The following SLC30A8 variants were observed in gnomAD, a reference collection of about 807,000 sequenced individuals.
SLC30A8 encodes the protein solute carrier family 30 member 8, also known as proton-coupled zinc antiporter SLC30A8.
A neutral mutation model predicts 36.9 loss-of-function variants in SLC30A8; 27 were observed. The ratio of observed to expected loss-of-function variants is 0.73; its 90% confidence interval spans 0.54 to 1.01. The LOEUF (loss-of-function observed/expected upper bound fraction) is 1.01. Ranked by LOEUF, SLC30A8 falls within the 50% of genes least tolerant of loss-of-function variation. The probability of loss-of-function intolerance (pLI) is 0.00; values close to 1 mark genes in which losing one functional copy is unlikely to be tolerated. For missense variants in SLC30A8, 439 were observed against 452.0 expected (o/e 0.97, Z 0.26); for synonymous variants, 164 against 172.4 (o/e 0.95, Z 0.38).
intron 2 of SLC30A8, among the ~76,000 whole-genome samples, chr8:117,126,002 C>T (rs188889294): frequency 1.5e-3 from 224 of 152,034 alleles, no homozygotes; most frequent in Non-Finnish European, 2.3e-3. Flanking sequence ...TCAGCTTCAA[C>T]GATCTTCTCC....
chr8:117,155,510 G>C (rs894860341), intron 3 of SLC30A8, among the ~76,000 whole-genome samples: 1 of 152,110 alleles, frequency 6.6e-6, no homozygotes, highest in African/African-American at 2.4e-5. Context: ...TTTGCTATAT[G>C]TTATATTAGG....
At chr8:117,139,795 T>C (rs1821560142) in intron 1 of SLC30A8, among the ~76,000 whole-genome samples, 1 of 147,896 alleles carries the variant, frequency 6.8e-6, no homozygotes, top group Non-Finnish European at 1.5e-5. Context: ...ATCTACCCAA[T>C]GATGCACCTT....
At chr8:116,974,785 C>T (rs990572393) in intron 1 of SLC30A8, among the ~76,000 whole-genome samples, 6 of 152,044 alleles carry the variant, frequency 3.9e-5, no homozygotes, top group African/African-American at 1.5e-4. Flanking sequence ...GTAGAACCAA[C>T]CCAAATGTCC....
Position 117,087,895 on chromosome 8 carries a change from A to T in SLC30A8, c.-225-47385A>T, listed in dbSNP as rs115442285. Among the ~76,000 whole-genome samples the T allele has an allele frequency of 2.8e-3, 433 of 152,264 alleles. 1 individual carries two copies. The highest frequency in any genetic ancestry group is 9.6e-3 in the African/African-American group (399 of 41,560). On this transcript the variant is annotated intron_variant, in intron 2 of 10. Coordinates refer to the SLC30A8 transcript ENST00000427715. ...TTCTGTCTTCTACTTCTTCCTGTGTAGCTATCTTACCCTGAAGGGGAGATG... is the reference window on the plus strand; with the variant it reads ...TTCTGTCTTCTACTTCTTCCTGTGTTGCTATCTTACCCTGAAGGGGAGATG...
At chr8:117,094,753 G>A (rs1055861128) in intron 2 of SLC30A8, among the ~76,000 whole-genome samples, 5 of 152,196 alleles carry the variant, frequency 3.3e-5, no homozygotes, top group Admixed American at 3.3e-4. Context: ...CCACCCAGGA[G>A]CCTGTCTGCC....
intron 2 of SLC30A8, among the ~76,000 whole-genome samples, chr8:117,069,534 T>C (rs1196749833): frequency 2.0e-5 from 3 of 152,196 alleles, no homozygotes; most frequent in African/African-American, 7.2e-5. Context: ...AGTGACTACT[T>C]CCAACATTTG....
rs1403628153 is a variant in SLC30A8 at position 117,176,622 on chromosome 8, C to CTT, written c.*3942_*3943dup. 6.6e-6 allele frequency: 1 copy of CTT among 152,486 alleles called. No homozygotes were observed. The highest frequency in any genetic ancestry group is 1.5e-5 in the Non-Finnish European group (1 of 67,984). The allele number at this position is 152,486 out of a possible 1,614,324, so 9.4% of individuals were successfully genotyped here. On this transcript the variant is annotated 3_prime_UTR_variant, in exon 8 of 8. Coordinates refer to ENST00000456015, the MANE Select transcript of SLC30A8 (RefSeq NM_173851.3). ...AGTTTTTTAACTTTCTGATTTCACACTTAACGTCTGTCATTCTGTTACTGG... is the reference window on the plus strand; with the variant it reads ...AGTTTTTTAACTTTCTGATTTCACACTTTTAACGTCTGTCATTCTGTTACTGG...
At chr8:117,109,140 G>A (rs1563602611) in intron 2 of SLC30A8, among the ~76,000 whole-genome samples, 1 of 152,168 alleles carries the variant, frequency 6.6e-6, no homozygotes, top group African/African-American at 2.4e-5. Flanking sequence ...ACCAATCACA[G>A]TGGCCAGAGG....
intron 2 of SLC30A8, among the ~76,000 whole-genome samples, chr8:117,150,256 A>G (rs1822114930): frequency 6.6e-6 from 1 of 152,164 alleles, no homozygotes; most frequent in African/African-American, 2.4e-5. Flanking sequence ...ATAGCACACA[A>G]CTGTAGCCCA....
At chr8:117,071,207 T>C (rs1295887273) in intron 2 of SLC30A8, among the ~76,000 whole-genome samples, 3 of 150,394 alleles carry the variant, frequency 2.0e-5, no homozygotes, top group Non-Finnish European at 4.5e-5. Flanking sequence ...CTTCAACACT[T>C]ATTGTCCATT....
rs1823606982 is a variant in SLC30A8 at position 117,175,095 on chromosome 8, A to G, written c.*2414A>G. On this transcript the variant is annotated 3_prime_UTR_variant, in exon 8 of 8. Coordinates refer to ENST00000456015, the MANE Select transcript of SLC30A8 (RefSeq NM_173851.3). ...TTGTATTCTCTCCAGCTATCAAAAC[A>G]TTAATGATCTTTTATGTCTTTTTTT... 6.6e-6 allele frequency: 1 copy of G among 152,032 alleles called. No individual in the cohort carries two copies. Among genetic ancestry groups the G allele is most frequent in the African/African-American group, 2.4e-5 (1 of 41,420 alleles). 9.4% of individuals were successfully genotyped at this position (152,032 alleles called of 1,614,324 possible). A position where few individuals can be genotyped will look rare whatever the true frequency, so the allele number is the denominator to read the frequency against.
At chr8:116,995,378 T>G (rs1815780453) in intron 1 of SLC30A8, among the ~76,000 whole-genome samples, 1 of 152,056 alleles carries the variant, frequency 6.6e-6, no homozygotes, top group African/African-American at 2.4e-5. Flanking sequence ...AGGGTCAAGT[T>G]TCTTAGTTAT....
intron 1 of SLC30A8, among the ~76,000 whole-genome samples, chr8:116,966,431 A>T (rs1314996470): frequency 6.6e-6 from 1 of 152,068 alleles, no homozygotes; most frequent in Non-Finnish European, 1.5e-5. Flanking sequence ...AGTTTCTGGC[A>T]TTCCTAAGTT....
At chr8:117,163,372 T>G (rs552995412) in intron 5 of SLC30A8, 53 bp from the exon 6 acceptor site, 1 of 1,362,078 alleles carries the variant, frequency 7.3e-7, no homozygotes, top group African/African-American at 1.4e-5. Flanking sequence ...AATCAGACTT[T>G]CTGAAAGAGA....
intron 1 of SLC30A8, among the ~76,000 whole-genome samples, chr8:117,029,815 A>G (rs1308858500): frequency 6.6e-6 from 1 of 152,214 alleles, no homozygotes; most frequent in African/African-American, 2.4e-5. Flanking sequence ...CATCAAGTCC[A>G]ATGTCGGAAT....
intron 2 of SLC30A8, among the ~76,000 whole-genome samples, chr8:117,103,076 TCTC>T (rs751312746): frequency 2.0e-4 from 30 of 152,050 alleles, no homozygotes; most frequent in Non-Finnish European, 3.8e-4. Flanking sequence ...AAGTTCAAAA[TCTC>T]CTCTTCTAAA....
intron 2 of SLC30A8, among the ~76,000 whole-genome samples, chr8:117,122,709 T>C (rs1820739665): frequency 6.6e-6 from 1 of 152,036 alleles, no homozygotes; most frequent in Non-Finnish European, 1.5e-5. Flanking sequence ...ACTCAGGCTC[T>C]GGGTGTTTTA....
At chr8:116,980,782 C>G (rs1815224796) in intron 1 of SLC30A8, among the ~76,000 whole-genome samples, 2 of 152,196 alleles carry the variant, frequency 1.3e-5, no homozygotes, top group African/African-American at 4.8e-5. Context: ...GATTATCCTT[C>G]CAGACATGTC....
intron 2 of SLC30A8, among the ~76,000 whole-genome samples, chr8:117,095,934 G>A (rs1419524991): frequency 6.6e-6 from 1 of 152,112 alleles, no homozygotes; most frequent in Non-Finnish European, 1.5e-5. Flanking sequence ...CACCCAGTTT[G>A]GGTAAGAGTT....
Sources: gnomAD v4.1 joint callset for allele counts (sites outside exome capture counted in the v4.1 genomes callset) on GRCh38, gnomAD v4.1.1 for gene constraint, MANE v1.5 for transcripts, NCBI Gene and HGNC (gene_info 2026-07-23, HGNC 2026-07-21) for gene names.